Variants in SPTA1 observed in about 807,000 individuals in gnomAD.
SPTA1 encodes the protein spectrin alpha, erythrocytic 1.
SPTA1 carries 177 observed loss-of-function variants against 324.7 expected under a neutral mutation model. The observed-to-expected ratio is 0.55, with a 90% CI of 0.48 to 0.62. The LOEUF is 0.62. Ranked by LOEUF, SPTA1 falls within the 20% of genes least tolerant of loss-of-function variation. SPTA1 has a pLI of 0.00. For synonymous variants in SPTA1, 1,195 were observed against 1,041.3 expected, an observed-to-expected ratio of 1.15 and a Z score of -2.84; for missense variants, 3,162 against 2,883.6, an observed-to-expected ratio of 1.10 and a Z score of -2.21.
intron 17 of SPTA1, among the ~76,000 whole-genome samples, chr1:158,661,823 A>G (rs1653240043): frequency 6.6e-6 from 1 of 152,202 alleles, no homozygotes; most frequent in South Asian, 2.1e-4. Context: ...TTTTCTCATC[A>G]TGAAAAAGGC....
intron 10 of SPTA1, 141 bp downstream of exon 10, chr1:158,674,188 G>A (rs1654237583): frequency 1.1e-6 from 1 of 910,750 alleles, no homozygotes. Context: ...AAAGGAAGCA[G>A]TGTAAAAGTT....
chr1:158,618,098 G>A (rs772475975), intron 45 of SPTA1, 42 bp from the exon 46 acceptor site: 1 of 1,586,062 alleles, frequency 6.3e-7, no homozygotes, highest in Admixed American at 1.7e-5. Context: ...TGAGAGAAAA[G>A]GGAGATGATA....
At chr1:158,634,430 TTCA>T in intron 39 of SPTA1, 110 bp downstream of exon 39, 1 of 1,448,622 alleles carries the variant, frequency 6.9e-7, no homozygotes, top group Non-Finnish European at 9.6e-7. Flanking sequence ...TCGTATTTCC[TTCA>T]TCTTCTTTCA....
At chr1:158,676,962 C>A (rs563115418) in intron 7 of SPTA1, among the ~76,000 whole-genome samples, 2 of 152,096 alleles carry the variant, frequency 1.3e-5, no homozygotes, top group African/African-American at 2.4e-5. Flanking sequence ...ACAACAACAA[C>A]AAAAAGGAAG....
intron 51 of SPTA1, chr1:158,612,431 T>G (rs1410384966): frequency 3.5e-6 from 1 of 287,570 alleles, no homozygotes; most frequent in Non-Finnish European, 6.7e-6. Flanking sequence ...TGTTACAGTG[T>G]TTTTAACTTG....
Position 158,614,278 on chromosome 1 carries a change from G to T in SPTA1, c.6817C>A (p.Leu2273Ile), listed in dbSNP as rs916161149. ...TTATAGATTGTGCTAAATTCCTTTAGAGTCTCTTCACTCACACCTTTGATG... is the reference window on the plus strand; with the variant it reads ...TTATAGATTGTGCTAAATTCCTTTATAGTCTCTTCACTCACACCTTTGATG... ...KDIKGVSEETLKEFSTIYKHF... is the reference protein window; with the variant it reads ...KDIKGVSEETIKEFSTIYKHF... The change falls in exon 49 of 52, where the codon CTA (leucine) becomes ATA (isoleucine). Residue 2273 changes from leucine to isoleucine, a missense_variant. Transcript: ENST00000643759. 1.5e-5 allele frequency: 24 copies of T among 1,592,862 alleles called. No individual in the cohort carries two copies. The highest frequency in any genetic ancestry group is 2.1e-5 in the Non-Finnish European group (24 of 1,161,818).
chr1:158,635,886 G>A, intron 38 of SPTA1, 27 bp downstream of exon 38: 1 of 1,614,038 alleles, frequency 6.2e-7, no homozygotes, highest in South Asian at 1.1e-5. Flanking sequence ...TCCAGGAAGG[G>A]AACTGGGCCT....
chr1:158,662,989 G>A, intron 16 of SPTA1, 44 bp from the exon 17 acceptor site: 2 of 1,612,104 alleles, frequency 1.2e-6, no homozygotes, highest in South Asian at 1.1e-5. Flanking sequence ...CCATCATTTA[G>A]TAGGAAGTAA....
rs2101893048 is a variant in SPTA1, at chr1:158,662,905, T to C, written c.2261A>G (p.Glu754Gly). The C allele has an allele frequency of 1.9e-6, 3 of 1,614,062 alleles. No homozygotes were observed. The highest frequency in any genetic ancestry group is 2.5e-6 in the Non-Finnish European group (3 of 1,179,960). ...CTTAGAATCAGGATGGCCTATTTCT[T>C]CAAAATATGCAGCCAGGTCTGTAAG... The part of the protein sequence containing the change: ...DILTDLAAYF[E>G]EIGHPDSKDI... The change falls in exon 17 of 52, where the codon GAA becomes GGA. Residue 754 changes from glutamate to glycine, a missense_variant. Transcript: ENST00000643759.
At position 158,617,950 on chromosome 1, in the gene SPTA1, A is replaced by C; in HGVS notation, c.6548+89T>G. ...TTACATACTACCAGATTACAATGGA[A>C]TGAAAATGTCTCAGCACTAACTCTT... On this transcript the variant is annotated intron_variant, in intron 46 of 51. Coordinates refer to ENST00000643759, the MANE Select transcript of SPTA1 (RefSeq NM_003126.4). 3 of 1,255,326 alleles carry C rather than the reference A, an allele frequency of 2.4e-6. No individual in the cohort carries two copies. The South Asian group carries it at 3.6e-5, about 15-fold the overall frequency. 77.8% of individuals were successfully genotyped at this position (1,255,326 alleles called of 1,614,324 possible). A position where few individuals can be genotyped will look rare whatever the true frequency, so the allele number is the denominator to read the frequency against.
rs199544164 is a variant in SPTA1 at position 158,666,321 on chromosome 1, G to T, written c.2215C>A (p.Arg739Ser). The change falls in exon 16 of 52, where the codon CGT becomes AGT. Residue 739 changes from arginine (R) to serine (S), a missense_variant. Physicochemically the swap from Arg to Ser is moderately radical, Grantham distance 110 (BLOSUM62 -1). Transcript: ENST00000643759. ...CCAAAGAGCTAACAACAAACCTGAC[G>T]AGCAGCCACAGCCGACTCCAGGAGG... is the stretch of plus-strand genomic sequence containing the variant. The part of the protein sequence containing the change: ...HGLLESAVAA[R>S]QDQVDILTDL... The T allele has an allele frequency of 2.5e-6, 4 of 1,613,126 alleles. No homozygotes were observed. The highest frequency in any genetic ancestry group is 3.4e-6 in the Non-Finnish European group (4 of 1,179,906).
At position 158,636,752 on chromosome 1, in the gene SPTA1, C is replaced by G. The variant is rs1222449853; in HGVS notation, c.5199G>C (p.Leu1733Phe). 4 of 1,613,974 alleles carry G rather than the reference C, an allele frequency of 2.5e-6. No homozygotes were observed. The highest frequency in any genetic ancestry group is 2.2e-5 in the East Asian group (1 of 44,894). ...CATAGTCCTGGGAGCTCACTCGTAT[C>G]AACTTCTCCCTAAAATCAAGGAAGA... ...DDEESWIEEK[L>F]IRVSSQDYGR... is the part of the protein sequence containing the mutation. The change falls in exon 37 of 52, where the codon TTG (leucine) becomes TTC (phenylalanine). Residue 1733 changes from leucine to phenylalanine, a missense_variant. Physicochemically the swap from Leu to Phe is conservative, Grantham distance 22 (BLOSUM62 0). Transcript: ENST00000643759.
rs568520391 is a variant in SPTA1 at position 158,675,311 on chromosome 1, G to T, written c.1113-636C>A. On this transcript the variant is annotated intron_variant, in intron 8 of 51. Coordinates refer to ENST00000643759, the MANE Select transcript of SPTA1 (RefSeq NM_003126.4). ...GAAATAATACTGAAGTTATTTTGAT[G>T]CTCTTCAGCTTGTATTGCATGTCTT... Among the ~76,000 whole-genome samples the T allele has an allele frequency of 5.9e-5, 9 of 152,188 alleles. 1 individual carries two copies. In the South Asian group the frequency reaches 1.9e-3, roughly 32 times the overall value.
chr1:158,684,488 G>T (rs1037098512), intron 2 of SPTA1, among the ~76,000 whole-genome samples: 2 of 152,058 alleles, frequency 1.3e-5, no homozygotes, highest in African/African-American at 4.8e-5. Context: ...AATTTCAGAT[G>T]AGTATTGTAA....
chr1:158,677,027 G>A (rs1317272871), intron 7 of SPTA1, among the ~76,000 whole-genome samples: 5 of 152,104 alleles, frequency 3.3e-5, no homozygotes, highest in African/African-American at 9.7e-5. Context: ...ACAGGGACAG[G>A]CCTAAAATTA....
chr1:158,642,343 A>T, intron 33 of SPTA1, 68 bp downstream of exon 33: 1 of 1,498,224 alleles, frequency 6.7e-7, no homozygotes, highest in Non-Finnish European at 8.9e-7. Context: ...AATAAATTAA[A>T]AAAAAAGAAA....
Position 158,680,665 on chromosome 1 carries a change from T to G in SPTA1, c.596A>C (p.Lys199Thr). 6.2e-7 allele frequency: 1 copy of G among 1,613,942 alleles called. No individual in the cohort carries two copies. ...DWERTEVLHK[K>T]FEDFQVELVA... The stretch of plus-strand genomic sequence containing the variant: ...CAGCTCCACTTGGAAGTCTTCAAAT[T>G]TCTTATGCAGAACTTCGGTGCGCTC... The change falls in exon 5 of 52, where the codon AAA (lysine) becomes ACA (threonine). Residue 199 changes from lysine to threonine, a missense_variant. Coordinates refer to ENST00000643759, the MANE Select transcript of SPTA1 (RefSeq NM_003126.4).
intron 51 of SPTA1, 70 bp from the exon 52 acceptor site, chr1:158,611,459 T>C: frequency 6.3e-7 from 1 of 1,582,706 alleles, no homozygotes; most frequent in Non-Finnish European, 8.7e-7. Flanking sequence ...GGGCTTCCCA[T>C]ATTACGCCAT....
chr1:158,685,064 A>T, intron 2 of SPTA1, 44 bp downstream of exon 2: 1 of 1,612,450 alleles, frequency 6.2e-7, no homozygotes, highest in Non-Finnish European at 8.5e-7. Flanking sequence ...CCTTCTCTAG[A>T]GATCTTAGGG....
Sources: allele counts gnomAD v4.1 joint callset (sites outside exome capture counted in the v4.1 genomes callset), GRCh38; gene constraint gnomAD v4.1.1; transcripts MANE v1.5; gene names NCBI Gene and HGNC (gene_info 2026-07-23, HGNC 2026-07-21).